The following CPQ variants were observed in gnomAD, a reference collection of about 807,000 sequenced individuals.
CPQ encodes Ser-Met dipeptidase.
A neutral mutation model predicts 45.7 loss-of-function variants in CPQ; 37 were observed. That is an observed-to-expected ratio of 0.81 (90% CI 0.62 to 1.07). CPQ has a LOEUF of 1.07. CPQ is among the 50% of genes least tolerant of loss of function. The probability of loss-of-function intolerance (pLI) is 0.00; values close to 1 mark genes in which losing one functional copy is unlikely to be tolerated. For synonymous variants in CPQ, 186 were observed against 205.8 expected (o/e 0.90, Z 0.82); for missense variants, 537 against 572.9 (o/e 0.94, Z 0.64).
intron 4 of CPQ, among the ~76,000 whole-genome samples, chr8:96,933,398 G>A (rs1211086488): frequency 6.6e-6 from 1 of 152,180 alleles, no homozygotes; most frequent in Non-Finnish European, 1.5e-5. Context: ...GAATGAAATG[G>A]AAAGTGGTCC....
intron 2 of CPQ, among the ~76,000 whole-genome samples, chr8:96,825,337 G>A (rs1811366181): frequency 1.3e-5 from 2 of 151,992 alleles, no homozygotes; most frequent in South Asian, 2.1e-4. Flanking sequence ...CAGATGTTTT[G>A]GGGGAGAACA....
chr8:96,689,436 T>C (rs1356777355), intron 1 of CPQ, among the ~76,000 whole-genome samples: 1 of 152,214 alleles, frequency 6.6e-6, no homozygotes, highest in African/African-American at 2.4e-5. Context: ...GTTTTGGTCT[T>C]CGTTATAGAG....
chr8:97,016,927 G>A (rs1586496072), intron 5 of CPQ, among the ~76,000 whole-genome samples: 1 of 152,266 alleles, frequency 6.6e-6, no homozygotes, highest in East Asian at 1.9e-4. Context: ...TCACTCGGAT[G>A]GACAGAACAG....
At chr8:96,683,103 G>A (rs1809173283) in intron 1 of CPQ, among the ~76,000 whole-genome samples, 1 of 151,706 alleles carries the variant, frequency 6.6e-6, no homozygotes. Flanking sequence ...TTTCTCATTT[G>A]TGTATCTTAC....
intron 7 of CPQ, among the ~76,000 whole-genome samples, chr8:97,139,717 G>A (rs1366713456): frequency 6.6e-6 from 1 of 152,016 alleles, no homozygotes; most frequent in Non-Finnish European, 1.5e-5. Context: ...AATGGGAACT[G>A]GTGAGATACA....
At position 97,111,734 on chromosome 8, in the gene CPQ, A is replaced by G. The variant is rs143466725; in HGVS notation, c.1256-31286A>G. 3.6e-3 allele frequency among the ~76,000 whole-genome samples: 550 copies of G among 152,330 alleles called. 3 individuals are homozygous for G. The highest frequency in any genetic ancestry group is 5.2e-3 in the Non-Finnish European group (356 of 68,030). On this transcript the variant is annotated intron_variant, in intron 7 of 7. Transcript: ENST00000220763. ...TAACATGGCCCTGCCTCATGTCGTC[A>G]GTGCAGGATGCTCATTTCCAAGGGG...
At chr8:96,837,823 T>G (rs954861308) in intron 3 of CPQ, among the ~76,000 whole-genome samples, 1 of 152,186 alleles carries the variant, frequency 6.6e-6, no homozygotes, top group Non-Finnish European at 1.5e-5. Flanking sequence ...TGGTCCTTTA[T>G]TGCTTTTTTC....
At chr8:96,801,380 C>T (rs141832727) in intron 2 of CPQ, among the ~76,000 whole-genome samples, 155 of 152,304 alleles carry the variant, frequency 1.0e-3, no homozygotes, top group African/African-American at 3.6e-3. Context: ...GAGGCCACTT[C>T]TCTTTTACTC....
chr8:96,926,808 C>G (rs1447253531), intron 4 of CPQ, among the ~76,000 whole-genome samples: 2 of 151,852 alleles, frequency 1.3e-5, no homozygotes, highest in African/African-American at 4.8e-5. Context: ...GGTATTTCTC[C>G]TAATGCTATC....
chr8:96,699,461 T>C (rs1809427911), intron 1 of CPQ, among the ~76,000 whole-genome samples: 1 of 152,156 alleles, frequency 6.6e-6, no homozygotes, highest in Non-Finnish European at 1.5e-5. Context: ...AATTTAATTA[T>C]ACATTTAAAA....
At chr8:96,763,746 CA>C (rs1810434371) in intron 1 of CPQ, among the ~76,000 whole-genome samples, 1 of 151,766 alleles carries the variant, frequency 6.6e-6, no homozygotes, top group African/African-American at 2.4e-5. Flanking sequence ...GATACTTCAC[CA>C]AAAAAGATAT....
intron 1 of CPQ, among the ~76,000 whole-genome samples, chr8:96,730,495 A>G (rs2130769868): frequency 6.6e-6 from 1 of 152,204 alleles, no homozygotes; most frequent in African/African-American, 2.4e-5. Flanking sequence ...TGGGAAGAAA[A>G]TAGCCACAGA....
chr8:97,118,214 T>C (rs1811628466), intron 7 of CPQ, among the ~76,000 whole-genome samples: 1 of 152,198 alleles, frequency 6.6e-6, no homozygotes, highest in Admixed American at 6.5e-5. Context: ...TACAGTGGAA[T>C]ACTATTATTA....
intron 3 of CPQ, among the ~76,000 whole-genome samples, chr8:96,856,598 A>G (rs931175750): frequency 6.6e-6 from 1 of 152,130 alleles, no homozygotes; most frequent in Admixed American, 6.5e-5. Context: ...CCTTGAATGT[A>G]TGTGTATATA....
intron 5 of CPQ, among the ~76,000 whole-genome samples, chr8:97,026,924 G>A (rs1809808203): frequency 1.3e-5 from 2 of 152,158 alleles, no homozygotes; most frequent in South Asian, 4.1e-4. Context: ...TGAATATTCT[G>A]TAGCCTGTGC....
At chr8:96,945,563 T>C (rs188306349) in intron 4 of CPQ, among the ~76,000 whole-genome samples, 1 of 152,298 alleles carries the variant, frequency 6.6e-6, no homozygotes, top group African/African-American at 2.4e-5. Flanking sequence ...TTGATTGAGC[T>C]GTTTTTTCTT....
intron 1 of CPQ, among the ~76,000 whole-genome samples, chr8:96,683,795 G>A (rs1293282209): frequency 6.9e-6 from 1 of 145,544 alleles, no homozygotes; most frequent in Non-Finnish European, 1.5e-5. Flanking sequence ...TTCATGTTCA[G>A]CAGTTCTTTT....
chr8:96,783,704 G>A (rs1810721181), intron 1 of CPQ, among the ~76,000 whole-genome samples: 1 of 152,096 alleles, frequency 6.6e-6, no homozygotes, highest in Non-Finnish European at 1.5e-5. Flanking sequence ...GGAATGTTCT[G>A]TCTGTGCTGC....
chr8:96,884,509 T>C (rs1247356515), intron 4 of CPQ, among the ~76,000 whole-genome samples: 1 of 151,942 alleles, frequency 6.6e-6, no homozygotes, highest in Non-Finnish European at 1.5e-5. Flanking sequence ...TAATCAGAGG[T>C]GAGCAGAAGA....
Sources: gnomAD v4.1 joint callset for allele counts (sites outside exome capture counted in the v4.1 genomes callset) on GRCh38, gnomAD v4.1.1 for gene constraint, MANE v1.5 for transcripts, NCBI Gene and HGNC (gene_info 2026-07-23, HGNC 2026-07-21) for gene names.